GLI2: variants seen among roughly 807,000 people sequenced by gnomAD.
GLI2 encodes the protein GLI family zinc finger 2.
GLI2 carries 22 observed loss-of-function variants against 78.9 expected under a neutral mutation model. That is an observed-to-expected ratio of 0.28 (90% CI 0.20 to 0.40). The LOEUF (loss-of-function observed/expected upper bound fraction) is 0.40, where lower values mean the gene tolerates loss of function less well. Ranked by LOEUF, GLI2 falls within the 10% of genes least tolerant of loss-of-function variation. The probability of loss-of-function intolerance (pLI) is 1.00; values close to 1 mark genes in which losing one functional copy is unlikely to be tolerated. For missense variants in GLI2, 2,097 were observed against 2,213.2 expected, an observed-to-expected ratio of 0.95 and a Z score of 1.05; for synonymous variants, 974 against 963.7, an observed-to-expected ratio of 1.01 and a Z score of -0.20.
intron 2 of GLI2, among the ~76,000 whole-genome samples, chr2:120,797,826 C>A (rs737082): frequency 6.6e-6 from 1 of 152,320 alleles, no homozygotes; most frequent in African/African-American, 2.4e-5. Flanking sequence ...CAGAGAACTT[C>A]TTGCCTCTTG....
intron 2 of GLI2, among the ~76,000 whole-genome samples, chr2:120,818,173 C>G (rs1254624951): frequency 6.6e-6 from 1 of 152,194 alleles, no homozygotes; most frequent in Non-Finnish European, 1.5e-5. Flanking sequence ...TGGAGAGCTC[C>G]AAGGAGCCCC....
intron 9 of GLI2, among the ~76,000 whole-genome samples, chr2:120,976,876 G>A (rs376080145): frequency 2.6e-4 from 39 of 152,350 alleles, no homozygotes; most frequent in South Asian, 1.0e-3. Context: ...TGGAGCAGGC[G>A]CACAGGCGAG....
chr2:120,972,297 A>C (rs185986990), intron 8 of GLI2, among the ~76,000 whole-genome samples: 37 of 152,366 alleles, frequency 2.4e-4, no homozygotes, highest in African/African-American at 8.9e-4. Context: ...GAATGAGTGA[A>C]TGAATGAACT....
intron 2 of GLI2, among the ~76,000 whole-genome samples, chr2:120,869,189 G>T (rs1688303940): frequency 1.3e-5 from 2 of 152,190 alleles, no homozygotes; most frequent in South Asian, 4.1e-4. Flanking sequence ...ACAGGGAGGG[G>T]AGAGAAGCAA....
At chr2:120,843,945 G>C (rs1686998310) in intron 2 of GLI2, among the ~76,000 whole-genome samples, 1 of 152,140 alleles carries the variant, frequency 6.6e-6, no homozygotes, top group African/African-American at 2.4e-5. Flanking sequence ...GGGATTACAG[G>C]CGTGAGACAC....
chr2:120,839,615 T>C (rs1412855776), intron 2 of GLI2, among the ~76,000 whole-genome samples: 2 of 152,202 alleles, frequency 1.3e-5, no homozygotes, highest in African/African-American at 4.8e-5. Flanking sequence ...CAGGCTGGAG[T>C]GCAGTGACAC....
chr2:120,981,679 C>T (rs988332643), intron 10 of GLI2, among the ~76,000 whole-genome samples: 20 of 152,134 alleles, frequency 1.3e-4, no homozygotes, highest in African/African-American at 4.8e-4. Flanking sequence ...GCCGGGTGTA[C>T]GTGTCCTCCT....
chr2:120,865,921 G>A (rs903064284), intron 2 of GLI2, among the ~76,000 whole-genome samples: 1 of 152,214 alleles, frequency 6.6e-6, no homozygotes, highest in East Asian at 1.9e-4. Flanking sequence ...AGAGGGAAGA[G>A]CAGGCCATTT....
chr2:120,794,067 C>T (rs1440899170), intron 1 of GLI2, among the ~76,000 whole-genome samples: 1 of 152,196 alleles, frequency 6.6e-6, no homozygotes, highest in East Asian at 1.9e-4. Flanking sequence ...TGAGCTGGGC[C>T]TGGCTGTGGG....
At chr2:120,854,487 C>G (rs1687554462) in intron 2 of GLI2, among the ~76,000 whole-genome samples, 1 of 152,212 alleles carries the variant, frequency 6.6e-6, no homozygotes, top group Non-Finnish European at 1.5e-5. Flanking sequence ...GAGCAGTCCC[C>G]TCCCCTGCAG....
chr2:120,968,323 C>G (rs781373089), intron 5 of GLI2, among the ~76,000 whole-genome samples: 3 of 152,126 alleles, frequency 2.0e-5, no homozygotes, highest in Non-Finnish European at 4.4e-5. Context: ...GGCTGGCTTC[C>G]CAGGTGGGCT....
intron 2 of GLI2, 102 bp downstream of exon 2, chr2:120,797,570 G>A: frequency 8.6e-7 from 1 of 1,160,586 alleles, no homozygotes; most frequent in South Asian, 1.3e-5. Context: ...GAGGCATGCT[G>A]GGTTTATGGA....
At chr2:120,905,146 G>A (rs2104794277) in intron 2 of GLI2, among the ~76,000 whole-genome samples, 1 of 152,268 alleles carries the variant, frequency 6.6e-6, no homozygotes, top group Non-Finnish European at 1.5e-5. Flanking sequence ...ATTTCTGGCA[G>A]CCTCAGGCTC....
chr2:120,959,724 C>T (rs948873579), intron 5 of GLI2, among the ~76,000 whole-genome samples: 5 of 152,258 alleles, frequency 3.3e-5, no homozygotes, highest in Admixed American at 2.0e-4. Flanking sequence ...GAGGTGTTTT[C>T]GGTGGGTGCC....
intron 2 of GLI2, among the ~76,000 whole-genome samples, chr2:120,915,474 G>T (rs753727249): frequency 2.6e-5 from 4 of 152,228 alleles, no homozygotes; most frequent in Non-Finnish European, 5.9e-5. Flanking sequence ...CTGTGGGGTG[G>T]TGGCTGGGCA....
At position 120,984,753 on chromosome 2, in the gene GLI2, G is replaced by T; in HGVS notation, c.1905+10G>T. 6.2e-7 allele frequency: 1 copy of T among 1,611,468 alleles called. No homozygotes were observed. The highest frequency in any genetic ancestry group is 1.1e-5 in the South Asian group (1 of 91,040). ...GACCGAGAGCTCCGGGGTAAGCGGA[G>T]CTGGGCAGCCCAGCCACGCAAGGCG... On this transcript the variant is annotated intron_variant, in intron 12 of 13. Transcript: ENST00000361492.
In GLI2 at chr2:120,990,412, G is replaced by A. The variant is rs1327135240; in HGVS notation, c.4447G>A (p.Val1483Met). 23 of 1,613,954 alleles carry A rather than the reference G, an allele frequency of 1.4e-5. No homozygotes were observed. Among genetic ancestry groups the A allele is most frequent in the Non-Finnish European group, 1.8e-5 (21 of 1,179,998 alleles). Reference protein sequence around the residue: ...SPGVNQVSSTVDSQLLEAPQI... With the variant: ...SPGVNQVSSTMDSQLLEAPQI... ...AGGGGTCAACCAGGTGTCCAGCACT[G>A]TGGACTCCCAGCTCCTGGAGGCCCC... Residue 1483 changes from valine (V) to methionine (M), a missense_variant, in exon 14 of 14, where the codon GTG (valine) becomes ATG (methionine). Transcript: ENST00000361492.
At chr2:120,942,968 G>T (rs148759346) in intron 3 of GLI2, among the ~76,000 whole-genome samples, 1 of 144,994 alleles carries the variant, frequency 6.9e-6, no homozygotes, top group African/African-American at 2.8e-5. Flanking sequence ...ATTCGTTCAC[G>T]CCCTCACTCA....
intron 1 of GLI2, among the ~76,000 whole-genome samples, chr2:120,743,713 G>A (rs1354310626): frequency 6.6e-6 from 1 of 152,218 alleles, no homozygotes; most frequent in Non-Finnish European, 1.5e-5. Flanking sequence ...CTCAATAGCT[G>A]GGTGACCCTG....
Sources: gnomAD v4.1 joint callset for allele counts (sites outside exome capture counted in the v4.1 genomes callset) on GRCh38, gnomAD v4.1.1 for gene constraint, MANE v1.5 for transcripts, NCBI Gene and HGNC (gene_info 2026-07-23, HGNC 2026-07-21) for gene names.